The following OPHN1 variants were observed in gnomAD, a reference collection of about 807,000 sequenced individuals.
OPHN1 encodes oligophrenin 1, also known as oligophrenin-1.
In OPHN1, 11 loss-of-function variants were observed where a neutral mutation model predicts 60.7. The ratio of observed to expected loss-of-function variants is 0.18; its 90% CI spans 0.11 to 0.30. The LOEUF (loss-of-function observed/expected upper bound fraction) is 0.30. Ranked by LOEUF, OPHN1 falls within the 10% of genes least tolerant of loss-of-function variation. OPHN1 has a pLI of 1.00. For synonymous variants in OPHN1, 226 were observed against 222.6 expected, an observed-to-expected ratio of 1.02 and a Z score of -0.14; for missense variants, 449 against 611.0, an observed-to-expected ratio of 0.73 and a Z score of 2.80.
chrX:68,287,064 GAAGA>G (rs2147610895), intron 3 of OPHN1, among the ~76,000 whole-genome samples: 1 of 98,099 alleles, frequency 1.0e-5, no homozygotes, highest in Admixed American at 1.2e-4. Flanking sequence ...ATTAAGAAAG[GAAGA>G]AAGGAAGGAA....
intron 6 of OPHN1, among the ~76,000 whole-genome samples, chrX:68,228,313 A>G (rs12847366): frequency 1.8e-5 from 2 of 111,831 alleles, no homozygotes; most frequent in African/African-American, 3.3e-5. Context: ...ATTCACAGCC[A>G]AATTCTACCA....
chrX:68,237,897 T>G (rs769149478), intron 5 of OPHN1, among the ~76,000 whole-genome samples: 17 of 112,144 alleles, frequency 1.5e-4, no homozygotes, highest in Admixed American at 1.3e-3. Flanking sequence ...CAATGTTGAA[T>G]CAAAGTGAAG....
At chrX:68,382,355 T>A (rs187761592) in intron 2 of OPHN1, among the ~76,000 whole-genome samples, 1,262 of 108,687 alleles carry the variant, frequency 0.012, 14 homozygotes, top group African/African-American at 0.036. Context: ...TTAAAAAAAA[T>A]AAAATAAAAT....
chrX:68,376,467 G>T (rs910184816), intron 2 of OPHN1, among the ~76,000 whole-genome samples: 5 of 111,017 alleles, frequency 4.5e-5, no homozygotes, highest in Non-Finnish European at 7.6e-5. Flanking sequence ...GAAAGAGATA[G>T]GAAACAGAGA....
At chrX:68,319,965 T>TA (rs1294399059) in intron 2 of OPHN1, among the ~76,000 whole-genome samples, 10 of 110,029 alleles carry the variant, frequency 9.1e-5, no homozygotes, top group Admixed American at 9.9e-5. Flanking sequence ...GCAACAGATA[T>TA]AAAAAAATAT....
intron 21 of OPHN1, among the ~76,000 whole-genome samples, chrX:68,056,683 T>C (rs1004626768): frequency 2.7e-5 from 3 of 111,357 alleles, no homozygotes; most frequent in African/African-American, 9.8e-5. Context: ...CTGCTTAATG[T>C]TTACAATAAG....
intron 15 of OPHN1, among the ~76,000 whole-genome samples, chrX:68,122,632 A>C (rs1382199068): frequency 3.6e-5 from 4 of 111,115 alleles, no homozygotes; most frequent in Non-Finnish European, 7.5e-5. Context: ...TCTATCACAT[A>C]CATTTAACAA....
intron 21 of OPHN1, among the ~76,000 whole-genome samples, chrX:68,056,598 T>A (rs913832881): frequency 5.4e-5 from 6 of 111,277 alleles, no homozygotes; most frequent in African/African-American, 1.6e-4. Context: ...GCAGAAAAAA[T>A]TAACCAAAAT....
intron 5 of OPHN1, among the ~76,000 whole-genome samples, chrX:68,268,747 C>T (rs2077948091): frequency 9.0e-6 from 1 of 111,200 alleles, no homozygotes; most frequent in Admixed American, 9.6e-5. Flanking sequence ...CAAGGGCAAT[C>T]AGGCAGGAGA....
rs770915102 is a variant in OPHN1, at chrX:68,377,656, C to A, written c.154+55211G>T. Among the ~76,000 whole-genome samples, 8 of 108,632 alleles carry A rather than the reference C, an allele frequency of 7.4e-5. No homozygotes were observed. In the East Asian group the frequency reaches 1.5e-3, roughly 20 times the overall value. 94.3% of individuals were successfully genotyped at this position (108,632 alleles called of 115,157 possible). A position where few individuals can be genotyped will look rare whatever the true frequency, so the allele number is the denominator to read the frequency against. ...CCATGTGTTCTCATTGTTCAATTCC[C>A]ACCTACGAGTGAGAATATGCGGTGT... is the stretch of plus-strand genomic sequence containing the variant. On this transcript the variant is annotated intron_variant, in intron 2 of 24. Transcript: ENST00000355520.
chrX:68,069,918 CA>C (rs1805352007), intron 20 of OPHN1, among the ~76,000 whole-genome samples: 1 of 110,677 alleles, frequency 9.0e-6, no homozygotes, highest in Non-Finnish European at 1.9e-5. Flanking sequence ...CAGTAGAGAG[CA>C]AAAGAGACAG....
At chrX:68,095,160 T>C (rs995617477) in intron 19 of OPHN1, among the ~76,000 whole-genome samples, 7 of 112,167 alleles carry the variant, frequency 6.2e-5, no homozygotes, top group Admixed American at 2.8e-4. Context: ...TCTATGAAGA[T>C]GATATCTAGA....
intron 2 of OPHN1, among the ~76,000 whole-genome samples, chrX:68,396,492 G>A (rs1006970739): frequency 9.2e-6 from 1 of 109,077 alleles, no homozygotes; most frequent in Non-Finnish European, 1.9e-5. Context: ...ACTTGTATGA[G>A]GGACAATCAG....
At chrX:68,065,663 T>C (rs1487001643) in intron 20 of OPHN1, among the ~76,000 whole-genome samples, 1 of 111,666 alleles carries the variant, frequency 9.0e-6, no homozygotes, top group East Asian at 2.8e-4. Flanking sequence ...CCTCAAATTT[T>C]CTCCTCAGTA....
intron 5 of OPHN1, among the ~76,000 whole-genome samples, chrX:68,255,295 C>T (rs1019527712): frequency 3.9e-4 from 43 of 111,221 alleles, no homozygotes; most frequent in Admixed American, 2.5e-3. Context: ...AATAGCACAA[C>T]AAAAATTATA....
chrX:68,353,047 G>GT (rs1233142890), intron 2 of OPHN1, among the ~76,000 whole-genome samples: 1 of 109,167 alleles, frequency 9.2e-6, no homozygotes, highest in African/African-American at 3.3e-5. Context: ...AGTTACTCAG[G>GT]AGGTTGAGGT....
At chrX:68,296,682 T>C (rs1894491) in intron 3 of OPHN1, among the ~76,000 whole-genome samples, 10,515 of 103,373 alleles carry the variant, frequency 0.1, 1,324 homozygotes, top group African/African-American at 0.35. Flanking sequence ...AGCAAAAGAC[T>C]GGGTGTGGTA....
At chrX:68,227,382 G>C (rs1400096796) in intron 6 of OPHN1, among the ~76,000 whole-genome samples, 3 of 110,972 alleles carry the variant, frequency 2.7e-5, no homozygotes, top group Non-Finnish European at 5.7e-5. Flanking sequence ...TCCAGGAACT[G>C]AACTCAGCTC....
At chrX:68,386,837 G>A (rs937014289) in intron 2 of OPHN1, among the ~76,000 whole-genome samples, 2 of 111,384 alleles carry the variant, frequency 1.8e-5, no homozygotes, top group Admixed American at 9.6e-5. Flanking sequence ...ATTAAACTTC[G>A]CAGACCTACA....
Sources: allele counts gnomAD v4.1 joint callset (sites outside exome capture counted in the v4.1 genomes callset), GRCh38; gene constraint gnomAD v4.1.1; transcripts MANE v1.5; gene names NCBI Gene and HGNC (gene_info 2026-07-23, HGNC 2026-07-21).